The following BCKDHB variants were observed in gnomAD, a reference collection of about 807,000 sequenced individuals.
BCKDHB encodes 2-oxoisovalerate dehydrogenase subunit beta, mitochondrial.
A neutral mutation model predicts 48.5 loss-of-function variants in BCKDHB; 41 were observed. The observed-to-expected ratio is 0.85, with a 90% CI of 0.66 to 1.10. The LOEUF (loss-of-function observed/expected upper bound fraction) is 1.10, where lower values mean the gene tolerates loss of function less well. Ranked by LOEUF, BCKDHB falls within the 50% of genes least tolerant of loss-of-function variation. The probability of loss-of-function intolerance (pLI) is 0.00; values close to 1 mark genes in which losing one functional copy is unlikely to be tolerated. For missense variants in BCKDHB, 496 were observed against 494.2 expected (o/e 1.00, Z -0.03); for synonymous variants, 201 against 174.8 (o/e 1.15, Z -1.18).
the BCKDHB span, among the ~76,000 whole-genome samples, chr6:80,448,658 T>G: frequency 6.6e-6 from 1 of 152,176 alleles, no homozygotes; most frequent in East Asian, 1.9e-4. Flanking sequence ...CACACAAAAG[T>G]GGAAGAAATA....
chr6:80,371,456 T>A, the BCKDHB span, among the ~76,000 whole-genome samples: 1 of 152,244 alleles, frequency 6.6e-6, no homozygotes, highest in Admixed American at 6.5e-5. Context: ...CTCTGTTGAT[T>A]GTTCCTTTTG....
the BCKDHB span, among the ~76,000 whole-genome samples, chr6:80,407,354 C>A: frequency 3.1e-4 from 47 of 152,154 alleles, no homozygotes; most frequent in African/African-American, 1.1e-3. Flanking sequence ...TTTTTGGTTC[C>A]ATATGAACTT....
At chr6:80,271,850 CT>C (rs11455436) in intron 8 of BCKDHB, among the ~76,000 whole-genome samples, 1 of 148,904 alleles carries the variant, frequency 6.7e-6, no homozygotes, top group African/African-American at 2.5e-5. Flanking sequence ...ATTGTCAAAT[CT>C]TTTTTTTTTC....
the BCKDHB span, among the ~76,000 whole-genome samples, chr6:80,460,311 C>T: frequency 2.6e-5 from 4 of 152,144 alleles, no homozygotes; most frequent in East Asian, 1.9e-4. Flanking sequence ...TAGGAATAAA[C>T]GTGGAGAAAA....
At chr6:80,367,996 T>C in the BCKDHB span, among the ~76,000 whole-genome samples, 7 of 152,252 alleles carry the variant, frequency 4.6e-5, no homozygotes, top group African/African-American at 1.4e-4. Context: ...AGAGTGACGC[T>C]GTGTGAGATT....
the BCKDHB span, among the ~76,000 whole-genome samples, chr6:80,373,695 G>A: frequency 6.6e-6 from 1 of 152,104 alleles, no homozygotes; most frequent in African/African-American, 2.4e-5. Context: ...TCAGTATTGG[G>A]TGCATATATA....
intron 3 of BCKDHB, among the ~76,000 whole-genome samples, chr6:80,164,272 G>C (rs1468847563): frequency 6.8e-6 from 1 of 146,884 alleles, no homozygotes; most frequent in African/African-American, 2.4e-5. Flanking sequence ...CAGGCAATCT[G>C]GACTCCTTGC....
At chr6:80,390,788 A>G in the BCKDHB span, among the ~76,000 whole-genome samples, 1 of 152,156 alleles carries the variant, frequency 6.6e-6, no homozygotes, top group Non-Finnish European at 1.5e-5. Context: ...CTAAGTGTCA[A>G]TGTGATTGGA....
intron 8 of BCKDHB, among the ~76,000 whole-genome samples, chr6:80,265,688 A>G (rs974433216): frequency 2.0e-5 from 3 of 152,108 alleles, no homozygotes; most frequent in African/African-American, 7.2e-5. Flanking sequence ...AAAAATGATT[A>G]AAAGGGGAAA....
chr6:80,403,816 C>G, the BCKDHB span, among the ~76,000 whole-genome samples: 1 of 151,924 alleles, frequency 6.6e-6, no homozygotes, highest in Non-Finnish European at 1.5e-5. Context: ...CATGCCTTTT[C>G]TGCATATATT....
chr6:80,113,786 G>A (rs1217007505), intron 1 of BCKDHB, among the ~76,000 whole-genome samples: 2 of 152,198 alleles, frequency 1.3e-5, no homozygotes, highest in African/African-American at 2.4e-5. Context: ...GGTGGGAGCC[G>A]GCTGGAGCAA....
intron 9 of BCKDHB, among the ~76,000 whole-genome samples, chr6:80,298,328 G>T (rs1019385192): frequency 6.6e-6 from 1 of 151,990 alleles, no homozygotes; most frequent in African/African-American, 2.4e-5. Flanking sequence ...GGCCAGGCTG[G>T]TCACACCTGG....
At chr6:80,314,616 A>G (rs1447772992) in intron 9 of BCKDHB, among the ~76,000 whole-genome samples, 1 of 152,202 alleles carries the variant, frequency 6.6e-6, no homozygotes, top group African/African-American at 2.4e-5. Context: ...ATGCCTCAAC[A>G]AAACAGCTGT....
Position 80,106,726 on chromosome 6 carries a change from A to C in BCKDHB, c.33A>C (p.Leu11=). 1.3e-6 allele frequency: 2 copies of C among 1,555,986 alleles called. No individual in the cohort carries two copies. Among genetic ancestry groups the C allele is most frequent in the Non-Finnish European group, 1.7e-6 (2 of 1,150,924 alleles). The change falls in exon 1 of 10, where the codon CTA becomes CTC. Residue 11 remains leucine (L), a synonymous_variant. Coordinates refer to ENST00000320393, the MANE Select transcript of BCKDHB (RefSeq NM_183050.4). The stretch of plus-strand genomic sequence containing the variant: ...TTGTAGCGGCGGCTGCCGGCTGGCT[A>C]CTCAGGCTCAGGGCGGCAGGGGCTG... MAVVAAAAGW[L]LRLRAAGAEG...
chr6:80,337,577 TTCA>T (rs1769657748), intron 9 of BCKDHB, among the ~76,000 whole-genome samples: 1 of 151,776 alleles, frequency 6.6e-6, no homozygotes, highest in Non-Finnish European at 1.5e-5. Flanking sequence ...ATATGTTCTG[TTCA>T]ATACTCATTA....
intron 8 of BCKDHB, among the ~76,000 whole-genome samples, chr6:80,262,653 T>A (rs1188097459): frequency 2.0e-5 from 3 of 152,190 alleles, no homozygotes; most frequent in Non-Finnish European, 4.4e-5. Flanking sequence ...TGTCCTTACT[T>A]TTAAACTTAT....
the BCKDHB span, among the ~76,000 whole-genome samples, chr6:80,452,157 C>G: frequency 6.6e-6 from 1 of 152,162 alleles, no homozygotes; most frequent in Non-Finnish European, 1.5e-5. Context: ...ATGATGATGT[C>G]ACTTAGATCT....
At chr6:80,446,024 G>C in the BCKDHB span, among the ~76,000 whole-genome samples, 2 of 152,122 alleles carry the variant, frequency 1.3e-5, no homozygotes, top group Non-Finnish European at 2.9e-5. Flanking sequence ...TGATGTGTAA[G>C]GTATACAGAG....
intron 8 of BCKDHB, among the ~76,000 whole-genome samples, chr6:80,260,212 G>GGGGT (rs1554203479): frequency 4.6e-5 from 7 of 151,238 alleles, no homozygotes; most frequent in Admixed American, 2.0e-4. Flanking sequence ...GGTAATGGTG[G>GGGGT]GTGTGTGTGT....
Sources: gnomAD v4.1 joint callset for allele counts (sites outside exome capture counted in the v4.1 genomes callset) on GRCh38, gnomAD v4.1.1 for gene constraint, MANE v1.5 for transcripts, NCBI Gene and HGNC (gene_info 2026-07-23, HGNC 2026-07-21) for gene names.